Variants in CNTN3 observed in about 807,000 individuals in gnomAD.
CNTN3 encodes contactin 3, also known as contactin-3.
A neutral mutation model predicts 119.1 loss-of-function variants in CNTN3; 60 were observed. That is an observed-to-expected ratio of 0.50 (90% CI 0.41 to 0.62). The LOEUF is 0.62. CNTN3 is among the 20% of genes least tolerant of loss of function. The pLI is 0.00. For synonymous variants in CNTN3, 450 were observed against 438.7 expected (o/e 1.03, Z -0.32); for missense variants, 1,101 against 1,242.4 (o/e 0.89, Z 1.71).
At chr3:74,443,591 C>T (rs931148511) in intron 4 of CNTN3, among the ~76,000 whole-genome samples, 1 of 152,166 alleles carries the variant, frequency 6.6e-6, no homozygotes, top group Admixed American at 6.6e-5. Context: ...CCCTGTGGCA[C>T]ATCTGCACTT....
intron 1 of CNTN3, among the ~76,000 whole-genome samples, chr3:74,557,740 A>AG (rs1416808572): frequency 1.8e-4 from 28 of 151,502 alleles, no homozygotes; most frequent in Non-Finnish European, 3.2e-4. Context: ...AAAAAAAAAA[A>AG]AAGAAGGAAA....
At chr3:74,571,270 A>C (rs1704328743) in intron 1 of CNTN3, among the ~76,000 whole-genome samples, 1 of 152,182 alleles carries the variant, frequency 6.6e-6, no homozygotes, top group Admixed American at 6.5e-5. Context: ...CGGCATCCAC[A>C]GCAGCAGCTC....
At chr3:74,304,081 C>T (rs1702512638) in intron 13 of CNTN3, among the ~76,000 whole-genome samples, 1 of 152,092 alleles carries the variant, frequency 6.6e-6, no homozygotes, top group African/African-American at 2.4e-5. Context: ...TTCCTAAAAT[C>T]TTCCATAGGG....
At chr3:74,584,730 T>C (rs185573607) in intron 1 of CNTN3, among the ~76,000 whole-genome samples, 1 of 152,334 alleles carries the variant, frequency 6.6e-6, no homozygotes, top group East Asian at 1.9e-4. Flanking sequence ...GTGTTATATA[T>C]GTATTATTGC....
chr3:74,603,712 G>T (rs964513571), intron 1 of CNTN3, among the ~76,000 whole-genome samples: 20 of 151,762 alleles, frequency 1.3e-4, no homozygotes, highest in African/African-American at 4.8e-4. Context: ...TGGACTAGAA[G>T]AAATAATATT....
chr3:74,273,464 G>C (rs994383403), intron 20 of CNTN3, among the ~76,000 whole-genome samples: 2 of 152,168 alleles, frequency 1.3e-5, no homozygotes, highest in African/African-American at 4.8e-5. Flanking sequence ...AGACCCAGGA[G>C]ACACCCCAAA....
chr3:74,525,096 A>G (rs543297976), intron 1 of CNTN3, among the ~76,000 whole-genome samples: 1 of 151,976 alleles, frequency 6.6e-6, no homozygotes, highest in South Asian at 2.1e-4. Context: ...TGAAATAAAC[A>G]TTCAAATTAG....
chr3:74,376,452 G>A (rs556935281), intron 5 of CNTN3, among the ~76,000 whole-genome samples: 3 of 152,242 alleles, frequency 2.0e-5, no homozygotes, highest in South Asian at 2.1e-4. Context: ...ACTGTGAACC[G>A]AACATGTGAG....
chr3:74,462,166 T>C (rs1023156612), intron 4 of CNTN3, among the ~76,000 whole-genome samples: 5 of 152,082 alleles, frequency 3.3e-5, no homozygotes, highest in African/African-American at 9.7e-5. Context: ...CTGTTTCCCC[T>C]TCACTTTCCG....
chr3:74,577,323 T>G (rs992113589), intron 1 of CNTN3, among the ~76,000 whole-genome samples: 1 of 152,206 alleles, frequency 6.6e-6, no homozygotes, highest in African/African-American at 2.4e-5. Context: ...GGAAGTATGA[T>G]TTCTAACTGC....
At chr3:74,384,796 T>A (rs897065905) in intron 5 of CNTN3, among the ~76,000 whole-genome samples, 2 of 152,218 alleles carry the variant, frequency 1.3e-5, no homozygotes, top group Non-Finnish European at 2.9e-5. Flanking sequence ...ACACTTTTTC[T>A]GTCTTTTCTG....
intron 5 of CNTN3, among the ~76,000 whole-genome samples, chr3:74,415,370 T>C (rs1701503640): frequency 6.6e-6 from 1 of 152,174 alleles, no homozygotes. Flanking sequence ...CTCGAAGTTG[T>C]TTCCATGACC....
In CNTN3 at chr3:74,556,232, A is replaced by G. The variant is rs190059944; in HGVS notation, c.-80-35040T>C. ...GTATGTTCAGAGTTGTGTCACCATC[A>G]TCACTATCTAAGAACACTATCTAAT... On this transcript the variant is annotated intron_variant, in intron 1 of 22. Transcript: ENST00000263665. Among the ~76,000 whole-genome samples, 66 of 152,328 alleles carry G rather than the reference A, an allele frequency of 4.3e-4. 1 individual carries two copies. The East Asian group carries it at 9.8e-3, about 23-fold the overall frequency.
intron 11 of CNTN3, among the ~76,000 whole-genome samples, chr3:74,361,137 A>G (rs1400869059): frequency 6.6e-6 from 1 of 152,046 alleles, no homozygotes; most frequent in Non-Finnish European, 1.5e-5. Flanking sequence ...AATAATAAAT[A>G]TATAGTAAAT....
Position 74,286,032 on chromosome 3 carries a change from C to CA in CNTN3, c.2518-542dup, listed in dbSNP as rs1250537300. Among the ~76,000 whole-genome samples the CA allele has an allele frequency of 2.6e-5, 4 of 151,576 alleles. No homozygotes were observed. In the East Asian group the frequency reaches 7.8e-4, roughly 30 times the overall value. On this transcript the variant is annotated intron_variant, in intron 19 of 22. Coordinates refer to ENST00000263665, the MANE Select transcript of CNTN3 (RefSeq NM_020872.3). ...TAGTTGTGTTTTGGATTTAAATAGT[C>CA]AAAGTACTACAACTGAAAGAACAGA...
In CNTN3 at chr3:74,263,380, G is replaced by A. The variant is rs1296802255; in HGVS notation, c.*1021C>T. The A allele has an allele frequency of 6.6e-6, 1 of 152,050 alleles. No homozygotes were observed. The highest frequency in any genetic ancestry group is 2.4e-5 in the African/African-American group (1 of 41,412). The allele number at this position is 152,050 out of a possible 1,614,324, so 9.4% of individuals were successfully genotyped here. A position where few individuals can be genotyped will look rare whatever the true frequency, so the allele number is the denominator to read the frequency against. On this transcript the variant is annotated 3_prime_UTR_variant, in exon 23 of 23. Transcript: ENST00000263665. Reference sequence around the variant, plus strand: ...AAAGAGAGGGTCCCTTAATGGAATTGGAAATTGAAATGAGGGATTATGTGG... The same window carrying A: ...AAAGAGAGGGTCCCTTAATGGAATTAGAAATTGAAATGAGGGATTATGTGG...
intron 4 of CNTN3, among the ~76,000 whole-genome samples, chr3:74,435,158 A>T (rs1701845865): frequency 6.6e-6 from 1 of 152,064 alleles, no homozygotes; most frequent in African/African-American, 2.4e-5. Context: ...CATCATATTA[A>T]TTTTACTGGA....
At chr3:74,573,315 C>T (rs563150886) in intron 1 of CNTN3, among the ~76,000 whole-genome samples, 162 of 151,986 alleles carry the variant, frequency 1.1e-3, no homozygotes, top group Admixed American at 3.0e-3. Context: ...CTGTCCCATC[C>T]CCCACTCCCA....
intron 11 of CNTN3, among the ~76,000 whole-genome samples, chr3:74,357,751 G>A (rs369509813): frequency 6.6e-6 from 1 of 151,606 alleles, no homozygotes; most frequent in Non-Finnish European, 1.5e-5. Context: ...TTTCTTATTC[G>A]CCGACAAGTC....
Sources: allele counts gnomAD v4.1 joint callset (sites outside exome capture counted in the v4.1 genomes callset), GRCh38; gene constraint gnomAD v4.1.1; transcripts MANE v1.5; gene names NCBI Gene and HGNC (gene_info 2026-07-23, HGNC 2026-07-21).